Variants in BIRC6 observed in about 807,000 individuals in gnomAD.
The protein encoded by BIRC6 is dual E2 ubiquitin-conjugating enzyme/E3 ubiquitin-protein ligase BIRC6.
A neutral mutation model predicts 503.3 loss-of-function variants in BIRC6; 98 were observed. That is an observed-to-expected ratio of 0.19 (90% CI 0.17 to 0.23). BIRC6 has a LOEUF of 0.23. BIRC6 is among the 10% of genes least tolerant of loss of function. The pLI, the probability that BIRC6 is intolerant of heterozygous loss-of-function variation, is 1.00. For synonymous variants in BIRC6, 2,240 were observed against 2,078.7 expected, an observed-to-expected ratio of 1.08 and a Z score of -2.11; for missense variants, 5,360 against 5,806.0, an observed-to-expected ratio of 0.92 and a Z score of 2.50.
intron 29 of BIRC6, among the ~76,000 whole-genome samples, chr2:32,469,089 A>G (rs1182761614): frequency 1.3e-5 from 2 of 152,240 alleles, no homozygotes; most frequent in South Asian, 2.1e-4. Flanking sequence ...CTAACCTAAT[A>G]TAGAGCTATC....
intron 66 of BIRC6, among the ~76,000 whole-genome samples, chr2:32,579,480 G>C (rs1371220204): frequency 6.6e-6 from 1 of 152,090 alleles, no homozygotes; most frequent in East Asian, 1.9e-4. Context: ...TTGAAGCCGG[G>C]AGTTCAAGAC....
At chr2:32,500,749 G>A (rs928837317) in intron 46 of BIRC6, among the ~76,000 whole-genome samples, 3 of 151,854 alleles carry the variant, frequency 2.0e-5, no homozygotes, top group Non-Finnish European at 2.9e-5. Context: ...GGGATTACAG[G>A]CATGTGCCAC....
chr2:32,581,787 A>G (rs2060691317), intron 66 of BIRC6, among the ~76,000 whole-genome samples: 1 of 152,218 alleles, frequency 6.6e-6, no homozygotes, highest in Admixed American at 6.5e-5. Context: ...CAAAAGGAGG[A>G]TTGTTTATAC....
Position 32,594,917 on chromosome 2 carries a change from T to A in BIRC6, c.13502-117T>A, listed in dbSNP as rs142468995. The stretch of plus-strand genomic sequence containing the variant: ...TTGTAATAAGATAATTGTGAAGAAG[T>A]TGACAATTTTTTGGAATTCACAATT... On this transcript the variant is annotated intron_variant, in intron 67 of 73. Transcript: ENST00000421745. 6.1e-5 allele frequency: 35 copies of A among 574,328 alleles called. 1 individual carries two copies. The highest frequency in any genetic ancestry group is 5.2e-4 in the South Asian group (16 of 30,744). The allele number at this position is 574,328 out of a possible 1,614,324, so 35.6% of individuals were successfully genotyped here.
intron 37 of BIRC6, 57 bp from the exon 38 acceptor site, chr2:32,481,263 T>C: frequency 7.2e-7 from 1 of 1,386,528 alleles, no homozygotes; most frequent in Non-Finnish European, 9.5e-7. Flanking sequence ...AAGCATTATG[T>C]CATCTAAATT....
intron 54 of BIRC6, among the ~76,000 whole-genome samples, chr2:32,513,554 C>G (rs1368288720): frequency 6.6e-6 from 1 of 152,078 alleles, no homozygotes; most frequent in East Asian, 1.9e-4. Context: ...GTGGGAAGAT[C>G]GCTTGAGTCA....
intron 3 of BIRC6, among the ~76,000 whole-genome samples, chr2:32,385,096 T>A (rs147479256): frequency 6.6e-6 from 1 of 152,206 alleles, no homozygotes; most frequent in African/African-American, 2.4e-5. Flanking sequence ...TGACTGAAGT[T>A]CTATCTATTG....
At chr2:32,476,402 T>C in intron 34 of BIRC6, 58 bp downstream of exon 34, 1 of 1,488,044 alleles carries the variant, frequency 6.7e-7, no homozygotes, top group East Asian at 2.5e-5. Flanking sequence ...TTATGATCTT[T>C]AATTACGATC....
chr2:32,578,998 TATATATATATACCTA>T (rs1177026994), intron 66 of BIRC6, among the ~76,000 whole-genome samples: 28 of 68,192 alleles, frequency 4.1e-4, no homozygotes, highest in Admixed American at 3.6e-3. Context: ...ATACACTTAA[TATATATATATACCTA>T]ATATATATAT....
At position 32,514,909 on chromosome 2, in the gene BIRC6, T is replaced by G. The variant is rs1397319533; in HGVS notation, c.10569-81T>G. 56 of 1,150,580 alleles carry G rather than the reference T, an allele frequency of 4.9e-5. 1 individual carries two copies. The Admixed American group carries it at 1.2e-3, about 26-fold the overall frequency. The allele number at this position is 1,150,580 out of a possible 1,614,324, so 71.3% of individuals were successfully genotyped here. On this transcript the variant is annotated intron_variant, in intron 54 of 73. Coordinates refer to ENST00000421745, the MANE Select transcript of BIRC6 (RefSeq NM_016252.4). ...AAAGTATATAATGTCAGAGTATACT[T>G]TGAACTATAACAGAAATATTTGAAA...
At chr2:32,372,157 T>G (rs1240752719) in intron 1 of BIRC6, among the ~76,000 whole-genome samples, 2 of 152,190 alleles carry the variant, frequency 1.3e-5, no homozygotes, top group African/African-American at 4.8e-5. Flanking sequence ...TTATAGAATA[T>G]AAAGTAAAGT....
chr2:32,491,651 T>TA, intron 44 of BIRC6, 93 bp downstream of exon 44: 1 of 1,294,740 alleles, frequency 7.7e-7, no homozygotes, highest in Admixed American at 2.3e-5. Flanking sequence ...GCTAAAGTAT[T>TA]AAATAATAGC....
chr2:32,525,654 C>T, intron 59 of BIRC6, 26 bp downstream of exon 59: 1 of 1,589,394 alleles, frequency 6.3e-7, no homozygotes, highest in Non-Finnish European at 8.6e-7. Flanking sequence ...GAATAAACGT[C>T]AAAGAAATTT....
At chr2:32,492,240 T>A (rs890843599) in intron 44 of BIRC6, among the ~76,000 whole-genome samples, 9 of 152,132 alleles carry the variant, frequency 5.9e-5, no homozygotes, top group Non-Finnish European at 1.2e-4. Context: ...AGTTTCTCTA[T>A]TAATTCACTT....
At chr2:32,503,270 A>G (rs1459064301) in intron 49 of BIRC6, 34 bp downstream of exon 49, 1 of 1,541,640 alleles carries the variant, frequency 6.5e-7, no homozygotes, top group Admixed American at 2.0e-5. Context: ...TACTTATGTG[A>G]AATTATCTAG....
chr2:32,444,362 C>T (rs1438015599), intron 20 of BIRC6, among the ~76,000 whole-genome samples: 2 of 151,762 alleles, frequency 1.3e-5, no homozygotes, highest in Admixed American at 6.6e-5. Flanking sequence ...TCACATATAC[C>T]CCCTATATAT....
chr2:32,406,401 A>G (rs2041221200), intron 8 of BIRC6, 98 bp from the exon 9 acceptor site: 1 of 888,330 alleles, frequency 1.1e-6, no homozygotes. Context: ...CCTGTCTCAA[A>G]AAAACCCACA....
chr2:32,586,423 C>CTTTTTTT (rs972959083), intron 66 of BIRC6, among the ~76,000 whole-genome samples: 2 of 70,978 alleles, frequency 2.8e-5, no homozygotes, highest in Admixed American at 1.7e-4. Flanking sequence ...TCAAGCAGTC[C>CTTTTTTT]TTTTTTTTTT....
In BIRC6 at chr2:32,517,677, A is replaced by G. The variant is rs369535889; in HGVS notation, c.11350-577A>G. Among the ~76,000 whole-genome samples, 3 of 152,224 alleles carry G rather than the reference A, an allele frequency of 2.0e-5. No individual in the cohort carries two copies. The East Asian group carries it at 5.8e-4, about 30-fold the overall frequency. On this transcript the variant is annotated intron_variant, in intron 55 of 73. Transcript: ENST00000421745. ...TGGCTCACTGAAACTTTCGGGCTCAAGAAGTCCTGCCTCAGCCTCCCAAGT... is the reference window on the plus strand; with the variant it reads ...TGGCTCACTGAAACTTTCGGGCTCAGGAAGTCCTGCCTCAGCCTCCCAAGT...
Sources: allele counts gnomAD v4.1 joint callset (sites outside exome capture counted in the v4.1 genomes callset), GRCh38; gene constraint gnomAD v4.1.1; transcripts MANE v1.5; gene names NCBI Gene and HGNC (gene_info 2026-07-23, HGNC 2026-07-21).